Variants in CDH18 observed in about 807,000 individuals in gnomAD.
CDH18 encodes the protein cadherin 18, also known as cadherin-18.
CDH18 carries 31 observed loss-of-function variants against 67.9 expected under a neutral mutation model. That is an observed-to-expected ratio of 0.46 (90% confidence interval 0.34 to 0.62). The LOEUF (loss-of-function observed/expected upper bound fraction) is 0.62. Among genes scored for constraint, CDH18 ranks in the 20% least tolerant of loss-of-function variants. The pLI is 0.01. For missense variants in CDH18, 890 were observed against 975.5 expected (o/e 0.91, Z 1.17); for synonymous variants, 362 against 347.2 (o/e 1.04, Z -0.48).
intron 3 of CDH18, among the ~76,000 whole-genome samples, chr5:19,750,787 C>T (rs1404231525): frequency 1.6e-5 from 2 of 126,786 alleles, no homozygotes; most frequent in South Asian, 2.9e-4. Context: ...TTTTTTAAAT[C>T]AGTTTAGTCA....
intron 2 of CDH18, among the ~76,000 whole-genome samples, chr5:19,971,255 A>AT (rs1347419860): frequency 6.6e-6 from 1 of 151,956 alleles, no homozygotes; most frequent in African/African-American, 2.4e-5. Flanking sequence ...TAAAAATAAC[A>AT]TTTTCCAGTA....
intron 3 of CDH18, among the ~76,000 whole-genome samples, chr5:19,772,506 G>GA (rs896283136): frequency 7.3e-5 from 11 of 151,638 alleles, no homozygotes; most frequent in South Asian, 2.1e-4. Flanking sequence ...TCTAAAAGCT[G>GA]AAAAAAAACA....
At chr5:19,670,365 G>A (rs140388727) in intron 5 of CDH18, among the ~76,000 whole-genome samples, 23 of 152,182 alleles carry the variant, frequency 1.5e-4, no homozygotes, top group East Asian at 9.7e-4. Context: ...CAAAAACAGC[G>A]TATCTGCATA....
chr5:20,342,716 C>T (rs1159046013), intron 1 of CDH18, among the ~76,000 whole-genome samples: 1 of 152,170 alleles, frequency 6.6e-6, no homozygotes, highest in African/African-American at 2.4e-5. Flanking sequence ...TGAGTAGGGA[C>T]TCTGCATTTA....
chr5:20,322,310 A>C (rs946691243), intron 1 of CDH18, among the ~76,000 whole-genome samples: 3 of 152,136 alleles, frequency 2.0e-5, no homozygotes, highest in African/African-American at 7.2e-5. Flanking sequence ...AACTATTGCC[A>C]TCCACAATAA....
chr5:20,015,951 T>C (rs1429498525), intron 2 of CDH18, among the ~76,000 whole-genome samples: 1 of 152,072 alleles, frequency 6.6e-6, no homozygotes, highest in Non-Finnish European at 1.5e-5. Context: ...ATTAAAAGAT[T>C]TGTGGTTGTG....
chr5:19,958,379 C>CAAAAAAAAAAAA (rs57913629), intron 2 of CDH18, among the ~76,000 whole-genome samples: 4 of 66,638 alleles, frequency 6.0e-5, no homozygotes, highest in East Asian at 9.6e-4. Context: ...TTTCCTTCAC[C>CAAAAAAAAAAAA]AAAAAAAAAA....
At chr5:20,470,367 A>G (rs2150237707) in intron 1 of CDH18, among the ~76,000 whole-genome samples, 1 of 152,312 alleles carries the variant, frequency 6.6e-6, no homozygotes, top group South Asian at 2.1e-4. Flanking sequence ...TGAATGGAGA[A>G]AAACACACAA....
intron 2 of CDH18, among the ~76,000 whole-genome samples, chr5:19,846,881 T>C (rs1009796629): frequency 1.4e-4 from 22 of 152,040 alleles, no homozygotes; most frequent in African/African-American, 4.8e-4. Flanking sequence ...AAGGTCAGAC[T>C]TGCTGGATAT....
chr5:20,338,016 A>G (rs1284800182), intron 1 of CDH18, among the ~76,000 whole-genome samples: 2 of 152,302 alleles, frequency 1.3e-5, no homozygotes, highest in East Asian at 1.9e-4. Flanking sequence ...TTATAATACT[A>G]TCAGATCTTG....
At chr5:20,233,734 G>T (rs1742262442) in intron 2 of CDH18, among the ~76,000 whole-genome samples, 1 of 151,944 alleles carries the variant, frequency 6.6e-6, no homozygotes, top group South Asian at 2.1e-4. Context: ...TATCATATCT[G>T]TTGGTATTTC....
intron 5 of CDH18, among the ~76,000 whole-genome samples, chr5:19,655,372 C>T (rs1756208717): frequency 6.6e-6 from 1 of 151,408 alleles, no homozygotes; most frequent in Admixed American, 6.6e-5. Flanking sequence ...GCATTATAGA[C>T]ATTAGAGTTG....
intron 1 of CDH18, among the ~76,000 whole-genome samples, chr5:20,491,056 T>C (rs1753555273): frequency 6.6e-6 from 1 of 152,114 alleles, no homozygotes; most frequent in Admixed American, 6.6e-5. Flanking sequence ...TAAATACATA[T>C]GCAATTTTAA....
At chr5:19,835,619 T>C (rs147709507) in intron 3 of CDH18, among the ~76,000 whole-genome samples, 1 of 152,270 alleles carries the variant, frequency 6.6e-6, no homozygotes, top group Non-Finnish European at 1.5e-5. Context: ...ATTTTAAGCA[T>C]ATAGTAATTG....
intron 2 of CDH18, among the ~76,000 whole-genome samples, chr5:20,078,813 G>A (rs187297114): frequency 1.0e-3 from 158 of 152,070 alleles, no homozygotes; most frequent in Non-Finnish European, 2.0e-3. Flanking sequence ...ACAGGGTCTC[G>A]CCACGTTGGC....
At chr5:20,415,421 A>C in intron 1 of CDH18, among the ~76,000 whole-genome samples, 1 of 152,128 alleles carries the variant, frequency 6.6e-6, no homozygotes, top group East Asian at 1.9e-4. Context: ...CATACATACA[A>C]TGGAATATCA....
At chr5:20,269,012 A>T (rs1745247718) in intron 1 of CDH18, among the ~76,000 whole-genome samples, 1 of 152,162 alleles carries the variant, frequency 6.6e-6, no homozygotes. Context: ...TAGAAGTAAC[A>T]CAAATGACTG....
chr5:19,728,128 G>T (rs924607191), intron 4 of CDH18, among the ~76,000 whole-genome samples: 1 of 151,942 alleles, frequency 6.6e-6, no homozygotes, highest in African/African-American at 2.4e-5. Context: ...TATTAAAATA[G>T]GAATCTAATT....
rs559534378 is a variant in CDH18, at chr5:20,511,577, A to C, written c.-580+63885T>G. Among the ~76,000 whole-genome samples the C allele has an allele frequency of 2.6e-5, 4 of 152,336 alleles. No individual in the cohort carries two copies. In the South Asian group the frequency reaches 8.3e-4, roughly 32 times the overall value. ...ATGAACAGTGAATGGAATTATATTC[A>C]ACTTGCAATGTCCATGCTTGCTGAA... On this transcript the variant is annotated intron_variant, in intron 1 of 14. Transcript: ENST00000507958.
Sources: gnomAD v4.1 joint callset for allele counts (sites outside exome capture counted in the v4.1 genomes callset) on GRCh38, gnomAD v4.1.1 for gene constraint, MANE v1.5 for transcripts, NCBI Gene and HGNC (gene_info 2026-07-23, HGNC 2026-07-21) for gene names.